The following TBC1D5 variants were observed in gnomAD, a reference collection of about 807,000 sequenced individuals.
TBC1D5 encodes TBC1 domain family member 5, also known as TBC1 domain family, member 5.
TBC1D5 carries 75 observed loss-of-function variants against 100.3 expected under a neutral mutation model. That is an observed-to-expected ratio of 0.75 (90% CI 0.62 to 0.91). TBC1D5 has a LOEUF of 0.91. Among genes scored for constraint, TBC1D5 ranks in the 40% least tolerant of loss-of-function variants. The probability of loss-of-function intolerance (pLI) is 0.00; values close to 1 mark genes in which losing one functional copy is unlikely to be tolerated. For synonymous variants in TBC1D5, 323 were observed against 325.6 expected, an observed-to-expected ratio of 0.99 and a Z score of 0.09; for missense variants, 910 against 942.4, an observed-to-expected ratio of 0.97 and a Z score of 0.45.
At chr3:17,634,967 G>A (rs1029608106) in intron 1 of TBC1D5, among the ~76,000 whole-genome samples, 1 of 151,782 alleles carries the variant, frequency 6.6e-6, no homozygotes, top group African/African-American at 2.4e-5. Context: ...AATGATACTT[G>A]TAGATTATAT....
At chr3:17,315,162 C>T (rs568280009) in intron 13 of TBC1D5, among the ~76,000 whole-genome samples, 2 of 152,362 alleles carry the variant, frequency 1.3e-5, no homozygotes, top group African/African-American at 4.8e-5. Context: ...CAAACTGGCT[C>T]ACTCTACATG....
chr3:17,288,784 G>A (rs1441332352), intron 15 of TBC1D5, among the ~76,000 whole-genome samples: 1 of 152,078 alleles, frequency 6.6e-6, no homozygotes, highest in Non-Finnish European at 1.5e-5. Flanking sequence ...CTTGTTCTTG[G>A]ATGCAGGACC....
At chr3:17,541,923 C>T (rs1002736078) in intron 2 of TBC1D5, among the ~76,000 whole-genome samples, 2 of 152,144 alleles carry the variant, frequency 1.3e-5, no homozygotes, top group East Asian at 3.9e-4. Context: ...CCTATATGTA[C>T]ACACCTATTA....
At chr3:17,621,102 G>A (rs1258159789) in intron 2 of TBC1D5, among the ~76,000 whole-genome samples, 5 of 152,010 alleles carry the variant, frequency 3.3e-5, no homozygotes, top group Non-Finnish European at 7.4e-5. Context: ...GTGAAAGACG[G>A]GACATATAAA....
At chr3:17,353,352 T>C (rs921805959) in intron 13 of TBC1D5, among the ~76,000 whole-genome samples, 1 of 152,096 alleles carries the variant, frequency 6.6e-6, no homozygotes, top group Non-Finnish European at 1.5e-5. Flanking sequence ...ATAAGGTCCA[T>C]AAGTCCATTG....
intron 13 of TBC1D5, among the ~76,000 whole-genome samples, chr3:17,310,780 A>G (rs972758055): frequency 2.0e-5 from 3 of 152,078 alleles, no homozygotes; most frequent in Non-Finnish European, 4.4e-5. Context: ...TAAGTTGTAC[A>G]TGAGAGGATA....
intron 1 of TBC1D5, among the ~76,000 whole-genome samples, chr3:17,734,744 T>C (rs2076828039): frequency 6.6e-6 from 1 of 152,216 alleles, no homozygotes; most frequent in African/African-American, 2.4e-5. Flanking sequence ...AAGGGTAAAC[T>C]GGCATAATCT....
At chr3:17,381,771 CA>C (rs1559764615) in intron 9 of TBC1D5, among the ~76,000 whole-genome samples, 2 of 150,834 alleles carry the variant, frequency 1.3e-5, no homozygotes, top group Non-Finnish European at 2.9e-5. Context: ...TCTGAGATTA[CA>C]AAAAAATTTC....
chr3:17,705,755 C>T (rs1490351212), intron 1 of TBC1D5, among the ~76,000 whole-genome samples: 2 of 142,292 alleles, frequency 1.4e-5, no homozygotes. Context: ...ACGCTCCTCA[C>T]TTTCCAGACT....
chr3:17,526,214 CATTT>C (rs2096132852), intron 2 of TBC1D5, among the ~76,000 whole-genome samples: 1 of 151,620 alleles, frequency 6.6e-6, no homozygotes, highest in Admixed American at 6.6e-5. Context: ...TCAATTTATT[CATTT>C]ATTTATTTAT....
chr3:17,674,867 A>C (rs1055355607), intron 1 of TBC1D5, among the ~76,000 whole-genome samples: 3 of 152,110 alleles, frequency 2.0e-5, no homozygotes, highest in Non-Finnish European at 4.4e-5. Flanking sequence ...CATTTGAGTG[A>C]AAAAATATAG....
At chr3:17,426,956 T>TA (rs1377750623) in intron 4 of TBC1D5, among the ~76,000 whole-genome samples, 1 of 152,050 alleles carries the variant, frequency 6.6e-6, no homozygotes, top group Non-Finnish European at 1.5e-5. Context: ...TATATTACCA[T>TA]ATTAAGATTC....
At chr3:17,474,657 C>A (rs1167682406) in intron 3 of TBC1D5, among the ~76,000 whole-genome samples, 2 of 152,108 alleles carry the variant, frequency 1.3e-5, no homozygotes, top group African/African-American at 4.8e-5. Context: ...GTTCAACCAA[C>A]CAACAATTCA....
At chr3:17,675,859 A>AT (rs2068557578) in intron 1 of TBC1D5, among the ~76,000 whole-genome samples, 1 of 152,146 alleles carries the variant, frequency 6.6e-6, no homozygotes, top group Non-Finnish European at 1.5e-5. Context: ...ATTTGGAATG[A>AT]TTGAAATGAT....
intron 3 of TBC1D5, among the ~76,000 whole-genome samples, chr3:17,469,791 C>T (rs1384790963): frequency 6.6e-6 from 1 of 152,216 alleles, no homozygotes; most frequent in Non-Finnish European, 1.5e-5. Flanking sequence ...TGAAGGAAGA[C>T]ATTATTCAGT....
intron 4 of TBC1D5, among the ~76,000 whole-genome samples, chr3:17,416,589 T>C (rs941576659): frequency 2.6e-5 from 4 of 152,198 alleles, no homozygotes; most frequent in Admixed American, 1.3e-4. Flanking sequence ...GTTAAATAAG[T>C]CAACTTAATT....
intron 8 of TBC1D5, among the ~76,000 whole-genome samples, chr3:17,398,933 A>G (rs578193526): frequency 5.9e-5 from 9 of 152,236 alleles, no homozygotes; most frequent in Non-Finnish European, 1.0e-4. Flanking sequence ...ATTCTATAGA[A>G]CACAGACTAG....
chr3:17,268,003 G>A (rs768553495), intron 15 of TBC1D5, among the ~76,000 whole-genome samples: 66 of 151,946 alleles, frequency 4.3e-4, no homozygotes, highest in Non-Finnish European at 3.1e-4. Context: ...AAGAAATCAC[G>A]ATGCAAACAC....
intron 3 of TBC1D5, among the ~76,000 whole-genome samples, chr3:17,481,897 C>T (rs1024045375): frequency 5.3e-5 from 8 of 152,170 alleles, no homozygotes; most frequent in East Asian, 1.9e-4. Flanking sequence ...TGTGCCACCA[C>T]GCCTGGCTAA....
Sources: allele counts gnomAD v4.1 joint callset (sites outside exome capture counted in the v4.1 genomes callset), GRCh38; gene constraint gnomAD v4.1.1; transcripts MANE v1.5; gene names NCBI Gene and HGNC (gene_info 2026-07-23, HGNC 2026-07-21).